Variants in ERI1 observed in about 807,000 individuals in gnomAD.
The protein encoded by ERI1 is exoribonuclease 1, also known as 3'-5' exoribonuclease 1.
Under a neutral mutation model 39.7 loss-of-function variants are expected in ERI1, and 39 were observed. The observed-to-expected ratio is 0.98, with a 90% CI of 0.76 to 1.28. The LOEUF is 1.28. Among genes scored for constraint, ERI1 ranks in the 50% most tolerant of loss-of-function variants. The pLI, the probability that ERI1 is intolerant of heterozygous loss-of-function variation, is 0.00. For missense variants in ERI1, 581 were observed against 416.9 expected (o/e 1.39, Z -3.43); for synonymous variants, 204 against 149.6 (o/e 1.36, Z -2.65).
intron 3 of ERI1, among the ~76,000 whole-genome samples, chr8:9,046,597 C>A (rs1426810969): frequency 2.0e-5 from 3 of 152,218 alleles, no homozygotes; most frequent in African/African-American, 7.2e-5. Context: ...TGAAGGGACA[C>A]ACTTTAAACA....
intron 3 of ERI1, among the ~76,000 whole-genome samples, chr8:9,012,481 A>G (rs2117206509): frequency 6.6e-6 from 1 of 152,356 alleles, no homozygotes; most frequent in South Asian, 2.1e-4. Context: ...GTAAGTATAA[A>G]AAGGTTTTGT....
downstream of ERI1, among the ~76,000 whole-genome samples, chr8:9,036,903 C>G (rs1797863348): frequency 6.6e-6 from 1 of 152,096 alleles, no homozygotes. Flanking sequence ...TCAGTGGGAC[C>G]ATGATTATCA....
chr8:9,023,887 C>T (rs1818192064), intron 6 of ERI1, among the ~76,000 whole-genome samples: 1 of 144,724 alleles, frequency 6.9e-6, no homozygotes, highest in Non-Finnish European at 1.5e-5. Context: ...CAGCCTCTGC[C>T]TCCCGGGTTC....
rs1797679199 is a variant in ERI1, at chr8:9,032,763, A to G, written c.*2729A>G. 1 of 152,252 alleles carries G rather than the reference A, an allele frequency of 6.6e-6. No homozygotes were observed. Among genetic ancestry groups the G allele is most frequent in the Non-Finnish European group, 1.5e-5 (1 of 68,040 alleles). The allele number at this position is 152,252 out of a possible 1,614,324, so 9.4% of individuals were successfully genotyped here. On this transcript the variant is annotated 3_prime_UTR_variant, in exon 7 of 7. Coordinates refer to ENST00000250263, the MANE Select transcript of ERI1 (RefSeq NM_153332.4). The stretch of plus-strand genomic sequence containing the variant: ...GACCAGGAGAAAAACTGGTATGATT[A>G]CTGGGGAGGGGAAGAAGCACAGGTG...
At chr8:9,082,092 A>C (rs1799389593) in intron 3 of ERI1, among the ~76,000 whole-genome samples, 1 of 152,148 alleles carries the variant, frequency 6.6e-6, no homozygotes, top group Non-Finnish European at 1.5e-5. Flanking sequence ...GGAAAGCATG[A>C]ATGGCAGATA....
intron 3 of ERI1, among the ~76,000 whole-genome samples, chr8:9,070,741 G>A (rs1469955963): frequency 6.6e-6 from 1 of 152,204 alleles, no homozygotes; most frequent in East Asian, 1.9e-4. Context: ...AAAGAATCTG[G>A]TTCAAGTCGC....
At chr8:9,033,679 GGGAAAGTTGA>G (rs2117324886), downstream of ERI1, among the ~76,000 whole-genome samples, 1 of 152,310 alleles carries the variant, frequency 6.6e-6, no homozygotes, top group African/African-American at 2.4e-5. Context: ...GTTTACAGAT[GGGAAAGTTGA>G]GGTCCAGAGC....
At chr8:9,060,202 T>A (rs1798646800) in intron 3 of ERI1, among the ~76,000 whole-genome samples, 1 of 152,076 alleles carries the variant, frequency 6.6e-6, no homozygotes, top group African/African-American at 2.4e-5. Flanking sequence ...TAAAGGCTGG[T>A]CTGTTATTGG....
At chr8:9,039,078 C>G (rs531946524) in intron 3 of ERI1, among the ~76,000 whole-genome samples, 1 of 152,242 alleles carries the variant, frequency 6.6e-6, no homozygotes, top group South Asian at 2.1e-4. Context: ...TTAGAATTTA[C>G]TCGTTCTTAT....
chr8:9,018,951 A>G (rs540283955), intron 5 of ERI1, among the ~76,000 whole-genome samples: 40 of 152,292 alleles, frequency 2.6e-4, no homozygotes, highest in African/African-American at 9.1e-4. Flanking sequence ...TATAATTTCT[A>G]TGGTATATAC....
intron 3 of ERI1, among the ~76,000 whole-genome samples, chr8:9,075,670 A>G (rs1156759310): frequency 3.9e-5 from 6 of 152,194 alleles, no homozygotes; most frequent in Non-Finnish European, 8.8e-5. Flanking sequence ...GCACACATCA[A>G]CCACAGACAG....
chr8:9,085,509 T>G (rs1799496377), intron 3 of ERI1, among the ~76,000 whole-genome samples: 1 of 151,838 alleles, frequency 6.6e-6, no homozygotes, highest in African/African-American at 2.4e-5. Context: ...CGCCCGGCCC[T>G]ACCATCTTTT....
At chr8:9,053,007 ATTTTTGTTTTTG>A (rs541367604) in intron 3 of ERI1, among the ~76,000 whole-genome samples, 17 of 151,932 alleles carry the variant, frequency 1.1e-4, no homozygotes, top group African/African-American at 3.9e-4. Context: ...TGATTTATTT[ATTTTTGTTTTTG>A]TTTTTGTTTT....
chr8:9,092,693 C>G (rs561949344), intron 3 of ERI1, among the ~76,000 whole-genome samples: 1 of 152,326 alleles, frequency 6.6e-6, no homozygotes, highest in South Asian at 2.1e-4. Flanking sequence ...GGACAAGATT[C>G]AGATTTATGC....
chr8:9,072,882 A>T (rs1262614875), intron 3 of ERI1, among the ~76,000 whole-genome samples: 2 of 152,016 alleles, frequency 1.3e-5, no homozygotes, highest in East Asian at 3.9e-4. Context: ...AGTCTTGAGG[A>T]CCTCCTCAGT....
At chr8:9,006,504 T>A (rs1372944945) in intron 1 of ERI1, among the ~76,000 whole-genome samples, 1 of 152,214 alleles carries the variant, frequency 6.6e-6, no homozygotes, top group Non-Finnish European at 1.5e-5. Context: ...TACTTAATGT[T>A]GACCTAAATT....
chr8:9,094,556 G>A (rs901148801), intron 3 of ERI1, among the ~76,000 whole-genome samples: 2 of 152,168 alleles, frequency 1.3e-5, no homozygotes, highest in African/African-American at 4.8e-5. Context: ...CCTGTGTGTT[G>A]ATGGATGATG....
At chr8:9,081,877 A>AT (rs1799383828) in intron 3 of ERI1, among the ~76,000 whole-genome samples, 1 of 152,144 alleles carries the variant, frequency 6.6e-6, no homozygotes, top group African/African-American at 2.4e-5. Flanking sequence ...CAATTTAATT[A>AT]TTCTATGTCT....
intron 1 of ERI1, among the ~76,000 whole-genome samples, chr8:9,005,345 A>T (rs1051614643): frequency 1.3e-5 from 2 of 152,144 alleles, no homozygotes; most frequent in African/African-American, 4.8e-5. Flanking sequence ...TACTGTTAAA[A>T]TGTGTTTTCT....
Sources: gnomAD v4.1 joint callset for allele counts (sites outside exome capture counted in the v4.1 genomes callset) on GRCh38, gnomAD v4.1.1 for gene constraint, MANE v1.5 for transcripts, NCBI Gene and HGNC (gene_info 2026-07-23, HGNC 2026-07-21) for gene names.